The following DGKB variants were observed in gnomAD, a reference collection of about 807,000 sequenced individuals.
DGKB encodes 90 kDa diacylglycerol kinase.
Under a neutral mutation model 114.3 loss-of-function variants are expected in DGKB, and 67 were observed. The observed-to-expected ratio is 0.59, with a 90% confidence interval of 0.48 to 0.72. The LOEUF is 0.72. DGKB is among the 30% of genes least tolerant of loss of function. DGKB has a pLI of 0.00. For synonymous variants in DGKB, 398 were observed against 323.1 expected, an observed-to-expected ratio of 1.23 and a Z score of -2.49; for missense variants, 907 against 975.2, an observed-to-expected ratio of 0.93 and a Z score of 0.93.
chr7:14,283,125 G>C (rs1800256284), intron 23 of DGKB, among the ~76,000 whole-genome samples: 1 of 151,674 alleles, frequency 6.6e-6, no homozygotes, highest in African/African-American at 2.4e-5. Context: ...CACTGTCTCA[G>C]CCCAAAATCT....
intron 23 of DGKB, among the ~76,000 whole-genome samples, chr7:14,226,065 C>T (rs1472042551): frequency 2.0e-5 from 3 of 151,792 alleles, no homozygotes; most frequent in African/African-American, 4.8e-5. Flanking sequence ...TATTATTTAG[C>T]TATAGATATC....
chr7:14,687,116 T>C (rs988334697), intron 9 of DGKB, among the ~76,000 whole-genome samples: 5 of 152,182 alleles, frequency 3.3e-5, no homozygotes, highest in Non-Finnish European at 4.4e-5. Flanking sequence ...TCCCACTCTG[T>C]CGTTCCCATG....
At chr7:14,352,941 A>C (rs555064945) in intron 21 of DGKB, among the ~76,000 whole-genome samples, 75 of 136,858 alleles carry the variant, frequency 5.5e-4, no homozygotes, top group African/African-American at 1.9e-3. Context: ...AACAAAAAAA[A>C]CCAAACAAAT....
upstream of DGKB, among the ~76,000 whole-genome samples, chr7:14,903,707 T>C (rs1001409397): frequency 3.9e-5 from 6 of 152,124 alleles, no homozygotes; most frequent in Non-Finnish European, 2.9e-5. Context: ...AAACTCTATG[T>C]ATGTGTAACC....
chr7:14,740,244 T>A (rs1030807204), intron 4 of DGKB, among the ~76,000 whole-genome samples: 1 of 151,936 alleles, frequency 6.6e-6, no homozygotes, highest in Non-Finnish European at 1.5e-5. Context: ...AGCCTTTTTT[T>A]TTTTTTTTTC....
chr7:14,149,984 C>T (rs549779278), intron 25 of DGKB, among the ~76,000 whole-genome samples: 18 of 152,004 alleles, frequency 1.2e-4, no homozygotes, highest in Admixed American at 3.9e-4. Context: ...TTCTCTAATT[C>T]GACTCTAAAT....
At chr7:14,668,907 AAGCTGGAATGT>A (rs1818495154) in intron 13 of DGKB, among the ~76,000 whole-genome samples, 1 of 152,116 alleles carries the variant, frequency 6.6e-6, no homozygotes, top group South Asian at 2.1e-4. Flanking sequence ...TCCATTCATA[AAGCTGGAATGT>A]AACTAGATAA....
In DGKB at chr7:14,338,601, C is replaced by G; in HGVS notation, c.2036G>C (p.Arg679Thr). The change falls in exon 23 of 26, where the codon AGA becomes ACA. Residue 679 changes from arginine to threonine, a missense_variant. Physicochemically the swap from Arg to Thr is moderately conservative, Grantham distance 71. Coordinates refer to ENST00000402815, the MANE Select transcript of DGKB (RefSeq NM_001350709.2). ...TTTCTCTATTCGTCGATGGCTTCGT[C>G]TTTTCTTAGACTCTCCCCAAAGATT... Reference protein sequence around the residue: ...GSNLWGESKKRRSHRRIEKKG... With the variant: ...GSNLWGESKKTRSHRRIEKKG... The G allele has an allele frequency of 6.2e-7, 1 of 1,610,448 alleles. No homozygotes were observed. The highest frequency in any genetic ancestry group is 1.1e-5 in the South Asian group (1 of 90,650).
intron 21 of DGKB, among the ~76,000 whole-genome samples, chr7:14,435,230 A>G (rs1424237751): frequency 6.6e-6 from 1 of 152,130 alleles, no homozygotes; most frequent in Admixed American, 6.6e-5. Flanking sequence ...GTTTATTTGT[A>G]TCACAAGGAA....
intron 17 of DGKB, among the ~76,000 whole-genome samples, chr7:14,584,070 A>G (rs1321269613): frequency 6.6e-6 from 1 of 152,228 alleles, no homozygotes; most frequent in Non-Finnish European, 1.5e-5. Context: ...AAACTGTGCT[A>G]TACATACTGT....
intron 1 of DGKB, among the ~76,000 whole-genome samples, chr7:14,855,247 C>T (rs566708423): frequency 6.6e-6 from 1 of 152,162 alleles, no homozygotes; most frequent in Non-Finnish European, 1.5e-5. Context: ...TTTAGCAACA[C>T]TTGGAAATCC....
intron 16 of DGKB, among the ~76,000 whole-genome samples, chr7:14,611,151 A>G (rs1187921453): frequency 6.6e-6 from 1 of 152,138 alleles, no homozygotes; most frequent in Non-Finnish European, 1.5e-5. Context: ...TTCTCTAAAG[A>G]CTTCTTGGTC....
intron 20 of DGKB, among the ~76,000 whole-genome samples, chr7:14,490,623 C>T (rs1047806590): frequency 6.6e-6 from 1 of 152,132 alleles, no homozygotes; most frequent in African/African-American, 2.4e-5. Context: ...TCCTTTAAAA[C>T]AACTTGAAGC....
chr7:14,825,597 G>T (rs1209937524), intron 2 of DGKB, among the ~76,000 whole-genome samples: 3 of 152,102 alleles, frequency 2.0e-5, no homozygotes, highest in Non-Finnish European at 2.9e-5. Flanking sequence ...TAATGCAAGC[G>T]ATGGCGAGTG....
chr7:14,681,519 A>T (rs1298758927), intron 12 of DGKB, among the ~76,000 whole-genome samples: 1 of 151,802 alleles, frequency 6.6e-6, no homozygotes, highest in Non-Finnish European at 1.5e-5. Context: ...AGGGTGGGGC[A>T]CTTGGGGACA....
intron 6 of DGKB, among the ~76,000 whole-genome samples, chr7:14,703,859 C>G (rs1490875861): frequency 6.6e-6 from 1 of 152,036 alleles, no homozygotes; most frequent in Non-Finnish European, 1.5e-5. Flanking sequence ...GAAATAAACC[C>G]GTTTCTATGT....
rs767079814 is a variant in DGKB at position 14,237,754 on chromosome 7, T to C, written c.2123-59603A>G. Among the ~76,000 whole-genome samples the C allele has an allele frequency of 5.6e-4, 85 of 152,004 alleles. No homozygotes were observed. In the Middle Eastern group the frequency reaches 0.027, roughly 49 times the overall value. Reference sequence around the variant, plus strand: ...GCATTGTTATCTTGGCACCGAAAAATAGATCATCTTTTTTAATTTGCCTGT... The same window carrying C: ...GCATTGTTATCTTGGCACCGAAAAACAGATCATCTTTTTTAATTTGCCTGT... On this transcript the variant is annotated intron_variant, in intron 23 of 25. Transcript: ENST00000402815.
chr7:14,877,535 A>G (rs1396399064), intron 1 of DGKB, among the ~76,000 whole-genome samples: 4 of 152,202 alleles, frequency 2.6e-5, no homozygotes, highest in Non-Finnish European at 5.9e-5. Context: ...AGCCCGGGGA[A>G]AAATAGCGAA....
At chr7:14,893,115 T>C (rs1442987013) in intron 1 of DGKB, among the ~76,000 whole-genome samples, 4 of 151,336 alleles carry the variant, frequency 2.6e-5, no homozygotes, top group Non-Finnish European at 5.9e-5. Context: ...TACCTTTCTT[T>C]AAACCTTCAT....
Sources: allele counts gnomAD v4.1 joint callset (sites outside exome capture counted in the v4.1 genomes callset), GRCh38; gene constraint gnomAD v4.1.1; transcripts MANE v1.5; gene names NCBI Gene and HGNC (gene_info 2026-07-23, HGNC 2026-07-21).